The following RIPOR2 variants were observed in gnomAD, a reference collection of about 807,000 sequenced individuals.
RIPOR2 encodes RHO family interacting cell polarization regulator 2, also known as rho family-interacting cell polarization regulator 2.
A neutral mutation model predicts 114.5 loss-of-function variants in RIPOR2; 39 were observed. The observed-to-expected ratio is 0.34, with a 90% CI of 0.26 to 0.44. The LOEUF (loss-of-function observed/expected upper bound fraction) is 0.44. Ranked by LOEUF, RIPOR2 falls within the 20% of genes least tolerant of loss-of-function variation. RIPOR2 has a pLI of 1.00. For synonymous variants in RIPOR2, 445 were observed against 484.4 expected (o/e 0.92, Z 1.07); for missense variants, 1,007 against 1,255.1 (o/e 0.80, Z 2.99).
At chr6:24,950,970 C>T (rs945241396) in intron 1 of RIPOR2, among the ~76,000 whole-genome samples, 1 of 152,190 alleles carries the variant, frequency 6.6e-6, no homozygotes, top group African/African-American at 2.4e-5. Context: ...TGCTAGACTG[C>T]GACATCCTAG....
At chr6:24,834,989 A>T (rs1034213785) in intron 15 of RIPOR2, among the ~76,000 whole-genome samples, 4 of 152,228 alleles carry the variant, frequency 2.6e-5, no homozygotes, top group African/African-American at 9.6e-5. Flanking sequence ...AGCTGGGAGA[A>T]GAATGATATT....
intron 1 of RIPOR2, among the ~76,000 whole-genome samples, chr6:25,002,209 A>T (rs1025961063): frequency 6.6e-6 from 1 of 152,356 alleles, no homozygotes; most frequent in Non-Finnish European, 1.5e-5. Flanking sequence ...GCATTCAGTA[A>T]ATGGCATTTA....
At chr6:24,964,693 C>G (rs1196500995) in intron 1 of RIPOR2, among the ~76,000 whole-genome samples, 2 of 152,160 alleles carry the variant, frequency 1.3e-5, no homozygotes, top group Non-Finnish European at 2.9e-5. Flanking sequence ...TGAATGCTTA[C>G]TTTTTTGAGG....
chr6:24,951,968 G>A (rs1772791926), intron 1 of RIPOR2, among the ~76,000 whole-genome samples: 1 of 152,198 alleles, frequency 6.6e-6, no homozygotes, highest in African/African-American at 2.4e-5. Flanking sequence ...AATTGTAAAT[G>A]TGGGGCTTCC....
intron 1 of RIPOR2, among the ~76,000 whole-genome samples, chr6:24,987,191 G>A (rs1358254727): frequency 2.0e-5 from 3 of 152,200 alleles, no homozygotes; most frequent in Non-Finnish European, 4.4e-5. Context: ...AATCATGGCT[G>A]GCTGGCACAG....
intron 13 of RIPOR2, chr6:24,840,919 T>G (rs929242233): frequency 5.3e-6 from 4 of 761,078 alleles, no homozygotes; most frequent in Non-Finnish European, 8.5e-6. Context: ...AGGGAGTCGG[T>G]CTTGACTTCA....
At chr6:24,853,279 C>T (rs904524562) in intron 8 of RIPOR2, among the ~76,000 whole-genome samples, 2 of 152,340 alleles carry the variant, frequency 1.3e-5, no homozygotes, top group East Asian at 3.9e-4. Context: ...TCCAGCAAGT[C>T]ATGTCTAACT....
intron 1 of RIPOR2, among the ~76,000 whole-genome samples, chr6:24,885,326 G>A (rs780000159): frequency 2.6e-5 from 4 of 151,712 alleles, no homozygotes; most frequent in Non-Finnish European, 5.9e-5. Context: ...GGGCTCAAGC[G>A]ATCCTCCTGC....
At chr6:24,946,858 T>G (rs1307247054) in intron 1 of RIPOR2, among the ~76,000 whole-genome samples, 10 of 152,212 alleles carry the variant, frequency 6.6e-5, no homozygotes. Context: ...AAAACAAGGA[T>G]TTAGAATTCA....
At chr6:24,965,567 C>T (rs1773490175) in intron 1 of RIPOR2, among the ~76,000 whole-genome samples, 1 of 152,176 alleles carries the variant, frequency 6.6e-6, no homozygotes, top group Non-Finnish European at 1.5e-5. Flanking sequence ...TTTCTTTAAA[C>T]ATATTAAACA....
chr6:24,978,117 C>T (rs1774147973), intron 1 of RIPOR2, among the ~76,000 whole-genome samples: 1 of 152,106 alleles, frequency 6.6e-6, no homozygotes, highest in Admixed American at 6.6e-5. Flanking sequence ...GTGAGAACTG[C>T]TTTAAAAACT....
intron 1 of RIPOR2, among the ~76,000 whole-genome samples, chr6:24,881,577 C>T (rs915822626): frequency 2.0e-5 from 3 of 152,336 alleles, no homozygotes; most frequent in Non-Finnish European, 2.9e-5. Flanking sequence ...AGCTGTTTCT[C>T]GTCCCAGTTT....
At chr6:25,041,785 G>A in intron 1 of RIPOR2, 1 of 683,154 alleles carries the variant, frequency 1.5e-6, no homozygotes, top group Non-Finnish European at 2.7e-6. Flanking sequence ...GGCAAGAAAT[G>A]AGTGTGTTGC....
intron 19 of RIPOR2, among the ~76,000 whole-genome samples, chr6:24,824,131 C>T (rs1217314200): frequency 6.6e-6 from 1 of 152,194 alleles, no homozygotes; most frequent in Non-Finnish European, 1.5e-5. Context: ...CAGACCTGCT[C>T]CCCATAAACT....
At chr6:25,002,633 C>T (rs1775372209) in intron 1 of RIPOR2, among the ~76,000 whole-genome samples, 1 of 152,204 alleles carries the variant, frequency 6.6e-6, no homozygotes, top group African/African-American at 2.4e-5. Flanking sequence ...TAAAGACAAC[C>T]AGGTGTTTTA....
chr6:24,843,698 CGTGTGTGTGTGTGTGT>C (rs34540028), intron 12 of RIPOR2, 144 bp from the exon 13 acceptor site: 427 of 368,276 alleles, frequency 1.2e-3, no homozygotes, highest in African/African-American at 2.3e-3. Flanking sequence ...TTGTTGATGC[CGTGTGTGTGTGTGTGT>C]GTGTGTGTGT....
chr6:24,840,073 C>T (rs1761534924), intron 13 of RIPOR2: 2 of 739,496 alleles, frequency 2.7e-6, no homozygotes, highest in African/African-American at 1.9e-5. Flanking sequence ...CCTTAGCCTC[C>T]CAGGTAGCTG....
At chr6:24,957,745 G>A (rs1404311437) in intron 1 of RIPOR2, among the ~76,000 whole-genome samples, 1 of 152,170 alleles carries the variant, frequency 6.6e-6, no homozygotes, top group African/African-American at 2.4e-5. Flanking sequence ...CATGGTGGCA[G>A]GCGCCTGTAG....
upstream of RIPOR2, chr6:25,042,041 C>G (rs537987018): frequency 5.4e-4 from 264 of 491,814 alleles, 1 homozygote; most frequent in South Asian, 6.7e-3. Flanking sequence ...TTAACCCCCC[C>G]CTTTTTGTTC....
Sources: allele counts gnomAD v4.1 joint callset (sites outside exome capture counted in the v4.1 genomes callset), GRCh38; gene constraint gnomAD v4.1.1; transcripts MANE v1.5; gene names NCBI Gene and HGNC (gene_info 2026-07-23, HGNC 2026-07-21).